RASSF2: variants seen among roughly 807,000 people sequenced by gnomAD.
RASSF2 encodes the protein ras association domain-containing protein 2.
In RASSF2, 34 loss-of-function variants were observed where a neutral mutation model predicts 46.3. The ratio of observed to expected loss-of-function variants is 0.73; its 90% CI spans 0.56 to 0.98. The LOEUF is 0.98. Among genes scored for constraint, RASSF2 ranks in the 50% least tolerant of loss-of-function variants. RASSF2 has a pLI of 0.00. For synonymous variants in RASSF2, 158 were observed against 162.5 expected (o/e 0.97, Z 0.21); for missense variants, 364 against 431.2 (o/e 0.84, Z 1.38).
At chr20:4,813,585 C>T (rs111783432) in intron 2 of RASSF2, among the ~76,000 whole-genome samples, 2,482 of 152,368 alleles carry the variant, frequency 0.016, 59 homozygotes, top group African/African-American at 0.056. Flanking sequence ...GCCCCACTGG[C>T]ATCCACAAGT....
chr20:4,813,371 C>T (rs114998670), intron 2 of RASSF2, among the ~76,000 whole-genome samples: 3,069 of 152,332 alleles, frequency 0.02, 92 homozygotes, highest in African/African-American at 0.07. Context: ...GCCCTCCCTG[C>T]CCAAGCTGTC....
chr20:4,813,322 G>A (rs1039159555), intron 2 of RASSF2, among the ~76,000 whole-genome samples: 3 of 152,246 alleles, frequency 2.0e-5, no homozygotes, highest in East Asian at 1.9e-4. Context: ...CTACGAAGCC[G>A]CCACTCTTCT....
chr20:4,803,801 G>A lies in RASSF2; in HGVS notation c.-32-2739C>T, dbSNP rs1249538948. ...AGGCCAGGCGCAGTGGCTCACACCT[G>A]TAATCTCAGCACTTCAGGAAGCCGA... On this transcript the variant is annotated intron_variant, in intron 2 of 11. Coordinates refer to ENST00000379400, the MANE Select transcript of RASSF2 (RefSeq NM_014737.3). Among the ~76,000 whole-genome samples the A allele has an allele frequency of 3.3e-5, 5 of 151,534 alleles. No homozygotes were observed. In the East Asian group the frequency reaches 9.7e-4, roughly 29 times the overall value.
At chr20:4,816,370 T>C (rs1248632995) in intron 2 of RASSF2, among the ~76,000 whole-genome samples, 1 of 152,060 alleles carries the variant, frequency 6.6e-6, no homozygotes, top group Non-Finnish European at 1.5e-5. Flanking sequence ...AGGACAAATA[T>C]TGTTTGATTC....
chr20:4,804,591 G>C (rs767997326), intron 2 of RASSF2, among the ~76,000 whole-genome samples: 4 of 152,058 alleles, frequency 2.6e-5, no homozygotes, highest in Non-Finnish European at 5.9e-5. Context: ...TGCCCGCCTC[G>C]GCCTCCCAGA....
chr20:4,786,241 G>A lies in RASSF2; in HGVS notation c.901C>T (p.Leu301=), dbSNP rs1202742515. The A allele has an allele frequency of 1.2e-6, 2 of 1,610,534 alleles. No homozygotes were observed. Among genetic ancestry groups the A allele is most frequent in the Non-Finnish European group, 1.7e-6 (2 of 1,176,740 alleles). ...QEEEDREVKK[L]MRKYTVLRLM... is the part of the protein sequence containing the mutation. ...AGAAGCCACACTTACTTGCGCATCAGCTTCTTTACTTCCCGATCTTCTTCC... is the reference window on the plus strand; with the variant it reads ...AGAAGCCACACTTACTTGCGCATCAACTTCTTTACTTCCCGATCTTCTTCC... Residue 301 remains leucine (L), a synonymous_variant, in exon 11 of 12, where the codon CTG becomes TTG. Transcript: ENST00000379400.
chr20:4,787,311 T>G (rs1252498975), intron 10 of RASSF2, among the ~76,000 whole-genome samples: 3 of 152,222 alleles, frequency 2.0e-5, no homozygotes, highest in Non-Finnish European at 4.4e-5. Context: ...CACACCCATG[T>G]GCAGTAACTA....
intron 2 of RASSF2, among the ~76,000 whole-genome samples, chr20:4,802,031 C>T (rs569603227): frequency 1.3e-4 from 20 of 152,276 alleles, no homozygotes; most frequent in Non-Finnish European, 2.2e-4. Context: ...TGAGCCACCG[C>T]GCCCAGCAGC....
At chr20:4,796,035 A>G (rs1238177108) in intron 4 of RASSF2, 69 bp from the exon 5 acceptor site, 2 of 1,429,934 alleles carry the variant, frequency 1.4e-6, no homozygotes, top group Non-Finnish European at 1.8e-6. Flanking sequence ...ATGCTGAGGG[A>G]CAAATGACAC....
At chr20:4,818,765 T>C (rs1446249365) in intron 2 of RASSF2, among the ~76,000 whole-genome samples, 1 of 152,170 alleles carries the variant, frequency 6.6e-6, no homozygotes, top group Non-Finnish European at 1.5e-5. Flanking sequence ...TCCAAAGCAC[T>C]GTAACTCTCT....
intron 5 of RASSF2, among the ~76,000 whole-genome samples, chr20:4,794,548 C>T (rs1247654738): frequency 1.3e-5 from 2 of 150,118 alleles, no homozygotes; most frequent in African/African-American, 4.9e-5. Context: ...GCCTGGGCAA[C>T]AGAAAAAAAA....
In RASSF2 at chr20:4,787,889, C is replaced by T. The variant is rs539867849; in HGVS notation, c.692-135G>A. 109 of 1,158,370 alleles carry T rather than the reference C, an allele frequency of 9.4e-5. No homozygotes were observed. In the African/African-American group the frequency reaches 1.4e-3, roughly 15 times the overall value. The allele number at this position is 1,158,370 out of a possible 1,614,324, so 71.8% of individuals were successfully genotyped here. ...AGACTGATTTATAAGTGAACTATTC[C>T]ATAGGTGTTGTGAAAAGCAACTTCC... On this transcript the variant is annotated intron_variant, in intron 9 of 11. Transcript: ENST00000379400.
intron 2 of RASSF2, among the ~76,000 whole-genome samples, chr20:4,805,714 G>A (rs1927290553): frequency 6.6e-6 from 1 of 152,110 alleles, no homozygotes; most frequent in Admixed American, 6.5e-5. Context: ...TTGAGAGGCC[G>A]GAGCCCGAGT....
At chr20:4,818,356 G>A (rs1039373404) in intron 2 of RASSF2, among the ~76,000 whole-genome samples, 4 of 152,028 alleles carry the variant, frequency 2.6e-5, no homozygotes, top group Non-Finnish European at 5.9e-5. Flanking sequence ...TTGGGGCAGC[G>A]CTTGAACATA....
chr20:4,823,306 G>A (rs1928848053), intron 1 of RASSF2, among the ~76,000 whole-genome samples: 1 of 152,022 alleles, frequency 6.6e-6, no homozygotes, highest in Non-Finnish European at 1.5e-5. Flanking sequence ...CCCGCGCCCC[G>A]CGCCTTGCCT....
intron 2 of RASSF2, among the ~76,000 whole-genome samples, chr20:4,814,723 C>T (rs965556132): frequency 6.6e-6 from 1 of 152,148 alleles, no homozygotes; most frequent in Non-Finnish European, 1.5e-5. Flanking sequence ...TTAACGCATC[C>T]AACAACGTGT....
At chr20:4,785,135 C>T (rs1233823389) in intron 11 of RASSF2, among the ~76,000 whole-genome samples, 2 of 147,738 alleles carry the variant, frequency 1.4e-5, no homozygotes, top group Non-Finnish European at 3.0e-5. Flanking sequence ...CATGGCAAAA[C>T]CCCGTCTCTA....
chr20:4,801,986 C>T lies in RASSF2; in HGVS notation c.-32-924G>A, dbSNP rs546797705. ...AACTCCTGACCTCAGGTGATCCGCC[C>T]GCCTCAGCCTCCCAAAGTGCTGGGA... On this transcript the variant is annotated intron_variant, in intron 2 of 11. Coordinates refer to ENST00000379400, the MANE Select transcript of RASSF2 (RefSeq NM_014737.3). Among the ~76,000 whole-genome samples, 75 of 152,308 alleles carry T rather than the reference C, an allele frequency of 4.9e-4. 1 individual carries two copies. The highest frequency in any genetic ancestry group is 4.2e-3 in the Admixed American group (65 of 15,304).
At chr20:4,789,397 G>A (rs1242545114) in intron 8 of RASSF2, among the ~76,000 whole-genome samples, 199 bp downstream of exon 8, 1 of 152,166 alleles carries the variant, frequency 6.6e-6, no homozygotes, top group East Asian at 1.9e-4. Flanking sequence ...CTGAGAATCT[G>A]AATTTCTAAC....
Sources: gnomAD v4.1 joint callset for allele counts (sites outside exome capture counted in the v4.1 genomes callset) on GRCh38, gnomAD v4.1.1 for gene constraint, MANE v1.5 for transcripts, NCBI Gene and HGNC (gene_info 2026-07-23, HGNC 2026-07-21) for gene names.